TENM1: variants seen among roughly 807,000 people sequenced by gnomAD.
TENM1 encodes teneurin-1.
TENM1 carries 35 observed loss-of-function variants against 174.8 expected under a neutral mutation model. The ratio of observed to expected loss-of-function variants is 0.20; its 90% CI spans 0.15 to 0.27. The LOEUF is 0.27. Among genes scored for constraint, TENM1 ranks in the 10% least tolerant of loss-of-function variants. TENM1 has a pLI of 1.00. For synonymous variants in TENM1, 781 were observed against 798.7 expected, an observed-to-expected ratio of 0.98 and a Z score of 0.37; for missense variants, 1,633 against 2,130.1, an observed-to-expected ratio of 0.77 and a Z score of 4.59.
At chrX:124,828,747 A>G (rs1033928984) in intron 3 of TENM1, among the ~76,000 whole-genome samples, 1 of 111,700 alleles carries the variant, frequency 9.0e-6, no homozygotes, top group Non-Finnish European at 1.9e-5. Flanking sequence ...GAACTAATCC[A>G]TCCTGTATAT....
chrX:124,597,880 G>A (rs1197839590), intron 11 of TENM1, among the ~76,000 whole-genome samples: 1 of 111,145 alleles, frequency 9.0e-6, no homozygotes, highest in Non-Finnish European at 1.9e-5. Flanking sequence ...ATGGACAAAT[G>A]GAATGACATA....
the TENM1 span, among the ~76,000 whole-genome samples, chrX:125,084,911 T>C: frequency 9.0e-6 from 1 of 111,197 alleles, no homozygotes; most frequent in African/African-American, 3.3e-5. Flanking sequence ...ATGTGAATGG[T>C]CAACTTTTTT....
chrX:125,077,357 T>A, the TENM1 span, among the ~76,000 whole-genome samples: 1 of 111,144 alleles, frequency 9.0e-6, no homozygotes, highest in Non-Finnish European at 1.9e-5. Flanking sequence ...CATGGGTTGA[T>A]TTTTTTGCGA....
At chrX:125,175,785 C>G in the TENM1 span, among the ~76,000 whole-genome samples, 3 of 111,378 alleles carry the variant, frequency 2.7e-5, no homozygotes, top group South Asian at 1.1e-3. Context: ...GGGAAAAAAG[C>G]AATACCATGA....
At chrX:124,461,283 T>C (rs1179052383) in intron 22 of TENM1, among the ~76,000 whole-genome samples, 1 of 112,089 alleles carries the variant, frequency 8.9e-6, no homozygotes, top group Non-Finnish European at 1.9e-5. Flanking sequence ...AATCCTCATA[T>C]ATTGTTGGTG....
chrX:124,926,789 G>A (rs945152823), intron 1 of TENM1, among the ~76,000 whole-genome samples: 1 of 111,771 alleles, frequency 8.9e-6, no homozygotes, highest in African/African-American at 3.2e-5. Flanking sequence ...AAGTTATTTC[G>A]CTATGATTAT....
chrX:124,651,916 A>G (rs1210927650), exon 8 of TENM1: 1 of 1,205,058 alleles, frequency 8.3e-7, no homozygotes, highest in Non-Finnish European at 1.1e-6. Context: ...CAGCTTACCA[A>G]TTGCTGTAGT....
chrX:125,097,367 T>C, the TENM1 span, among the ~76,000 whole-genome samples: 1 of 112,265 alleles, frequency 8.9e-6, no homozygotes, highest in East Asian at 2.8e-4. Flanking sequence ...ATTAACTATA[T>C]TGTCTCTATC....
In TENM1 at chrX:124,960,092, T is replaced by A. The variant is rs150262099; in HGVS notation, c.217+3445A>T. ...AATTCTCCACTAATTGAAAGCTTTC[T>A]TTTCTGATGCTTAAAGGGAATTTTA... is the stretch of plus-strand genomic sequence containing the variant. On this transcript the variant is annotated intron_variant, in intron 1 of 31. Transcript: ENST00000422452. 4.2e-3 allele frequency among the ~76,000 whole-genome samples: 474 copies of A among 111,998 alleles called. 1 individual carries two copies. The highest frequency in any genetic ancestry group is 0.014 in the African/African-American group (444 of 30,863).
chrX:124,884,004 TGGGTAG>T (rs1417977444), intron 3 of TENM1, among the ~76,000 whole-genome samples: 2 of 110,561 alleles, frequency 1.8e-5, no homozygotes, highest in Non-Finnish European at 3.8e-5. Context: ...GTGGAATGCT[TGGGTAG>T]GGGTATCAGT....
chrX:124,385,965 T>C (rs1354427079), exon 29 of TENM1: 2 of 1,208,191 alleles, frequency 1.7e-6, no homozygotes, highest in Non-Finnish European at 2.2e-6. Context: ...GTTTGTAAGC[T>C]GTGACGCACC....
chrX:124,531,669 C>G (rs2048109821), intron 15 of TENM1, among the ~76,000 whole-genome samples: 1 of 112,059 alleles, frequency 8.9e-6, no homozygotes, highest in South Asian at 3.7e-4. Context: ...TTATGTAAAT[C>G]ATGGTTCTGA....
chrX:124,424,812 C>T (rs965154312), intron 23 of TENM1, among the ~76,000 whole-genome samples: 4 of 110,602 alleles, frequency 3.6e-5, no homozygotes, highest in African/African-American at 1.3e-4. Context: ...GCACCTTCCC[C>T]TTCTCTCTCT....
chrX:124,810,705 T>C (rs1190443680), intron 3 of TENM1, among the ~76,000 whole-genome samples: 3 of 111,522 alleles, frequency 2.7e-5, no homozygotes, highest in Non-Finnish European at 5.7e-5. Flanking sequence ...TTCTAAAATG[T>C]ATATGGAATC....
At chrX:124,726,464 C>T (rs1428163897) in intron 4 of TENM1, among the ~76,000 whole-genome samples, 1 of 112,408 alleles carries the variant, frequency 8.9e-6, no homozygotes, top group Non-Finnish European at 1.9e-5. Flanking sequence ...ATTCCACACC[C>T]ATCATGTGGT....
At chrX:124,432,257 A>G (rs936276197) in intron 23 of TENM1, among the ~76,000 whole-genome samples, 1 of 112,054 alleles carries the variant, frequency 8.9e-6, no homozygotes, top group Admixed American at 9.4e-5. Flanking sequence ...TCCTATTTAT[A>G]AATTTGAAGA....
chrX:124,435,839 C>T (rs142606137), intron 23 of TENM1, among the ~76,000 whole-genome samples: 339 of 111,678 alleles, frequency 3.0e-3, no homozygotes, highest in Middle Eastern at 4.6e-3. Context: ...CTCTGGAGAT[C>T]GGCCACCTGA....
At chrX:124,664,532 G>GAAAAAAAAAAA (rs779501054) in intron 6 of TENM1, among the ~76,000 whole-genome samples, 33 of 29,257 alleles carry the variant, frequency 1.1e-3, no homozygotes, top group African/African-American at 1.8e-3. Flanking sequence ...TAAAGCAAAA[G>GAAAAAAAAAAA]AAAAAAAAAA....
chrX:124,985,789 T>C, the TENM1 span, among the ~76,000 whole-genome samples: 1 of 112,163 alleles, frequency 8.9e-6, no homozygotes, highest in Admixed American at 9.5e-5. Flanking sequence ...AATTAATGTT[T>C]GGGAAGCAGT....
Sources: allele counts gnomAD v4.1 joint callset (sites outside exome capture counted in the v4.1 genomes callset), GRCh38; gene constraint gnomAD v4.1.1; transcripts MANE v1.5; gene names NCBI Gene and HGNC (gene_info 2026-07-23, HGNC 2026-07-21).